Variants in VIPR2 observed in about 807,000 individuals in gnomAD.
The protein encoded by VIPR2 is vasoactive intestinal peptide receptor 2.
Under a neutral mutation model 58.0 loss-of-function variants are expected in VIPR2, and 48 were observed. That is an observed-to-expected ratio of 0.83 (90% CI 0.66 to 1.05). The LOEUF is 1.05. Ranked by LOEUF, VIPR2 falls within the 50% of genes least tolerant of loss-of-function variation. The pLI, the probability that VIPR2 is intolerant of heterozygous loss-of-function variation, is 0.00. For synonymous variants in VIPR2, 243 were observed against 235.2 expected (o/e 1.03, Z -0.30); for missense variants, 534 against 558.0 (o/e 0.96, Z 0.43).
intron 2 of VIPR2, among the ~76,000 whole-genome samples, chr7:159,112,528 C>A (rs1337068253): frequency 1.3e-5 from 2 of 152,232 alleles, no homozygotes; most frequent in Non-Finnish European, 2.9e-5. Context: ...TCACTACAGC[C>A]TTGCAGACAG....
chr7:159,104,581 G>T, intron 3 of VIPR2, among the ~76,000 whole-genome samples: 1 of 106,940 alleles, frequency 9.4e-6, no homozygotes, highest in Non-Finnish European at 1.7e-5. Context: ...CCTCACCACC[G>T]ATGGTGACCG....
At chr7:159,107,023 G>C (rs1795775468) in intron 3 of VIPR2, among the ~76,000 whole-genome samples, 1 of 152,104 alleles carries the variant, frequency 6.6e-6, no homozygotes. Context: ...AAAGGTTGTG[G>C]GGGGTGGGAG....
At chr7:159,084,811 C>T (rs1188896396) in intron 4 of VIPR2, among the ~76,000 whole-genome samples, 1 of 152,140 alleles carries the variant, frequency 6.6e-6, no homozygotes, top group East Asian at 1.9e-4. Flanking sequence ...GTAGGAGGTG[C>T]CTGTTTTTGC....
intron 3 of VIPR2, among the ~76,000 whole-genome samples, chr7:159,105,242 G>A (rs58068454): frequency 0.11 from 16,758 of 152,078 alleles, 2,380 homozygotes; most frequent in African/African-American, 0.34. Context: ...TGGTGTTAGG[G>A]TCACCCCCAC....
At chr7:159,129,658 T>G (rs1220861881) in intron 2 of VIPR2, among the ~76,000 whole-genome samples, 1 of 68,946 alleles carries the variant, frequency 1.5e-5, no homozygotes, top group Admixed American at 1.5e-4. Context: ...CTCTGTTCCC[T>G]CAAACTGGCC....
chr7:159,061,159 A>T (rs536197487), intron 4 of VIPR2, among the ~76,000 whole-genome samples: 1 of 152,240 alleles, frequency 6.6e-6, no homozygotes, highest in African/African-American at 2.4e-5. Flanking sequence ...TGTTCTCGTA[A>T]GTGGGAGCAA....
intron 4 of VIPR2, among the ~76,000 whole-genome samples, chr7:159,087,813 C>T (rs1489237286): frequency 6.9e-6 from 1 of 145,062 alleles, no homozygotes; most frequent in Non-Finnish European, 1.5e-5. Context: ...ACGGCTTCCC[C>T]AACAAACAAT....
chr7:159,135,013 T>G (rs1331594962), intron 2 of VIPR2, among the ~76,000 whole-genome samples: 2 of 121,084 alleles, frequency 1.7e-5, no homozygotes, highest in African/African-American at 6.9e-5. Flanking sequence ...AGTTTTTTTT[T>G]TTTTTTTTTT....
rs559607970 is a variant in VIPR2 at position 159,144,469 on chromosome 7, G to A, written c.51+252C>T. On this transcript the variant is annotated intron_variant, in intron 1 of 12. Coordinates refer to ENST00000262178, the MANE Select transcript of VIPR2 (RefSeq NM_003382.5). ...AACGATCCCGTTTCCAGCAAACCCC[G>A]GACGGTGGGGCGCGGGGAAGGGCGC... 1.8e-4 allele frequency: 284 copies of A among 1,539,918 alleles called. No individual in the cohort carries two copies. In the African/African-American group the frequency reaches 3.4e-3, roughly 18 times the overall value.
intron 2 of VIPR2, among the ~76,000 whole-genome samples, chr7:159,141,217 G>T (rs1176781616): frequency 6.6e-6 from 1 of 152,230 alleles, no homozygotes; most frequent in African/African-American, 2.4e-5. Flanking sequence ...TCCCAGGACA[G>T]ACTCTCAGCA....
chr7:159,132,524 C>T (rs1381411548), intron 2 of VIPR2, among the ~76,000 whole-genome samples: 1 of 152,244 alleles, frequency 6.6e-6, no homozygotes, highest in Admixed American at 6.5e-5. Flanking sequence ...TCATCAGAAT[C>T]CATGGAGTCT....
chr7:159,093,693 G>A lies in VIPR2; in HGVS notation c.357+10064C>T, dbSNP rs1234162187. 1.3e-5 allele frequency among the ~76,000 whole-genome samples: 2 copies of A among 149,094 alleles called. No homozygotes were observed. Among genetic ancestry groups the A allele is most frequent in the East Asian group, 2.0e-4 (1 of 4,992 alleles). ...ACCCCACAGCGTCCCTGGGTTCGGA[G>A]ATGGGAGACCCCGCAGCGTCCCTGG... is the stretch of plus-strand genomic sequence containing the variant. On this transcript the variant is annotated intron_variant, in intron 4 of 12. Transcript: ENST00000262178. This position sits in a 1 kb window ranked among gnomAD's most constrained non-coding sequence, Gnocchi z 6.7.
intron 8 of VIPR2, 101 bp downstream of exon 8, chr7:159,035,851 C>T (rs1853909076): frequency 1.3e-6 from 2 of 1,508,424 alleles, no homozygotes. Flanking sequence ...GCAAACGCTC[C>T]CTGTCCTTCC....
chr7:159,117,566 G>T lies in VIPR2; in HGVS notation c.152-7647C>A, dbSNP rs146802394. Among the ~76,000 whole-genome samples, 535 of 152,324 alleles carry T rather than the reference G, an allele frequency of 3.5e-3. 2 individuals carry two copies. The highest frequency in any genetic ancestry group is 6.0e-3 in the Non-Finnish European group (407 of 68,024). The stretch of plus-strand genomic sequence containing the variant: ...TTGTCACCTGCACCATGCTTGCCAC[G>T]CAGCTCATGCTCTCTTTGGACAATG... On this transcript the variant is annotated intron_variant, in intron 2 of 12. Coordinates refer to ENST00000262178, the MANE Select transcript of VIPR2 (RefSeq NM_003382.5).
Position 159,029,189 on chromosome 7 carries a change from A to C in VIPR2, c.*1427T>G, listed in dbSNP as rs1853398999. 1 of 152,292 alleles carries C rather than the reference A, an allele frequency of 6.6e-6. No individual in the cohort carries two copies. Among genetic ancestry groups the C allele is most frequent in the Non-Finnish European group, 1.5e-5 (1 of 68,098 alleles). 9.4% of individuals were successfully genotyped at this position (152,292 alleles called of 1,614,324 possible). ...TCTGTGATGCCACCAATGCACAGGA[A>C]CAAGACATTCATTTTTAAGGGAAAA... On this transcript the variant is annotated 3_prime_UTR_variant, in exon 13 of 13. Coordinates refer to ENST00000262178, the MANE Select transcript of VIPR2 (RefSeq NM_003382.5).
intron 4 of VIPR2, among the ~76,000 whole-genome samples, chr7:159,063,718 T>A (rs13307553): frequency 7.2e-6 from 1 of 139,502 alleles, no homozygotes; most frequent in African/African-American, 2.7e-5. Context: ...GGATCTGGGG[T>A]TCCTGGCGGG....
Position 159,036,794 on chromosome 7 carries a change from G to A in VIPR2, c.706C>T (p.Pro236Ser). The change falls in exon 7 of 13, where the codon CCC becomes TCC. Residue 236 changes from proline to serine, a missense_variant. This residue lies in a region of VIPR2 where 306 missense variants were observed against 285.8 expected (regional missense o/e 1.07). Coordinates refer to ENST00000262178, the MANE Select transcript of VIPR2 (RefSeq NM_003382.5). ...TAGGCCAGGAAGCACCTTCTAGGGG[G>A]GAGCATGGCCACCAGGAGGGTGTGG... ...YLHTLLVAML[P>S]PRRCFLAYLL... 2 of 1,613,936 alleles carry A rather than the reference G, an allele frequency of 1.2e-6. No individual in the cohort carries two copies. The highest frequency in any genetic ancestry group is 1.7e-6 in the Non-Finnish European group (2 of 1,179,956).
At chr7:159,063,897 GA>G (rs1855913093) in intron 4 of VIPR2, among the ~76,000 whole-genome samples, 1 of 118,028 alleles carries the variant, frequency 8.5e-6, no homozygotes, top group Non-Finnish European at 1.8e-5. Flanking sequence ...GTCCTGGGGG[GA>G]TCTGGGGTTC....
In VIPR2 at chr7:159,030,690, A is replaced by G; in HGVS notation, c.1243T>C (p.Ser415Pro). 3 of 1,579,946 alleles carry G rather than the reference A, an allele frequency of 1.9e-6. No individual in the cohort carries two copies. The highest frequency in any genetic ancestry group is 2.6e-6 in the Non-Finnish European group (3 of 1,164,312). The change falls in exon 13 of 13, where the codon TCG (serine) becomes CCG (proline). Residue 415 changes from serine (S) to proline (P), a missense_variant. Transcript: ENST00000262178. ...VCGSSFSRNG[S>P]EGALQFHRGS... Reference sequence around the variant, plus strand: ...CGGTGGAACTGCAGGGCGCCCTCCGAGCCGTTGCGGGAGAAGGAGGAACCG... The same window carrying G: ...CGGTGGAACTGCAGGGCGCCCTCCGGGCCGTTGCGGGAGAAGGAGGAACCG...
Sources: gnomAD v4.1 joint callset for allele counts (sites outside exome capture counted in the v4.1 genomes callset) on GRCh38, gnomAD v4.1.1 for gene constraint, gnomAD v4.1.1 regional missense constraint, Gnocchi (gnomAD v3.1) non-coding constraint, MANE v1.5 for transcripts, NCBI Gene and HGNC (gene_info 2026-07-23, HGNC 2026-07-21) for gene names.